Variants in VPS45 observed in about 807,000 individuals in gnomAD.
The protein encoded by VPS45 is vacuolar protein sorting-associated protein 45.
VPS45 carries 35 observed loss-of-function variants against 75.9 expected under a neutral mutation model. The observed-to-expected ratio is 0.46, with a 90% CI of 0.35 to 0.61. The LOEUF is 0.61. VPS45 is among the 20% of genes least tolerant of loss of function. VPS45 has a pLI of 0.00. For synonymous variants in VPS45, 220 were observed against 238.2 expected (o/e 0.92, Z 0.70); for missense variants, 559 against 685.9 (o/e 0.81, Z 2.07).
intron 13 of VPS45, among the ~76,000 whole-genome samples, chr1:150,099,421 G>C (rs1415893295): frequency 6.6e-6 from 1 of 151,802 alleles, no homozygotes; most frequent in Non-Finnish European, 1.5e-5. Context: ...GCTGAGGTAG[G>C]AGAATTGGCT....
intron 14 of VPS45, among the ~76,000 whole-genome samples, chr1:150,135,981 G>T (rs1659069510): frequency 6.6e-6 from 1 of 151,128 alleles, no homozygotes; most frequent in Non-Finnish European, 1.5e-5. Context: ...GGGTGCAGTG[G>T]TTCATGCCTG....
chr1:150,090,542 A>G (rs587770454), intron 10 of VPS45, among the ~76,000 whole-genome samples: 2 of 152,348 alleles, frequency 1.3e-5, no homozygotes, highest in East Asian at 3.9e-4. Flanking sequence ...CTATAGAAAG[A>G]AAGAAAACAT....
At chr1:150,074,340 G>T (rs1655249966) in intron 3 of VPS45, among the ~76,000 whole-genome samples, 1 of 151,376 alleles carries the variant, frequency 6.6e-6, no homozygotes, top group Non-Finnish European at 1.5e-5. Flanking sequence ...TGTATTAATA[G>T]TTCATTCCTC....
At chr1:150,086,200 G>C (rs1656006445) in intron 10 of VPS45, among the ~76,000 whole-genome samples, 2 of 152,062 alleles carry the variant, frequency 1.3e-5, no homozygotes, top group South Asian at 4.1e-4. Flanking sequence ...GCCTTTGATG[G>C]CTTGGGTTTG....
At chr1:150,075,665 GGT>G (rs1278782194) in intron 3 of VPS45, among the ~76,000 whole-genome samples, 1 of 152,052 alleles carries the variant, frequency 6.6e-6, no homozygotes, top group Non-Finnish European at 1.5e-5. Flanking sequence ...TTGGTTACCT[GGT>G]AGTACAGTTT....
chr1:150,140,244 A>G (rs1571924448), intron 14 of VPS45, among the ~76,000 whole-genome samples: 1 of 152,224 alleles, frequency 6.6e-6, no homozygotes, highest in African/African-American at 2.4e-5. Flanking sequence ...ACCATCTCCA[A>G]TACTCCTTTT....
intron 13 of VPS45, among the ~76,000 whole-genome samples, chr1:150,108,284 A>C (rs1388419960): frequency 3.3e-5 from 5 of 152,206 alleles, no homozygotes; most frequent in Admixed American, 3.3e-4. Flanking sequence ...ATTTACAACC[A>C]AAAAATGGTG....
chr1:150,092,837 CTTT>C (rs11451750), intron 12 of VPS45, among the ~76,000 whole-genome samples: 64 of 94,428 alleles, frequency 6.8e-4, no homozygotes, highest in Middle Eastern at 0.011. Context: ...GCTAGCCTTT[CTTT>C]TTTTTTTTTT....
chr1:150,091,016 G>A (rs891635954), intron 10 of VPS45, among the ~76,000 whole-genome samples: 2 of 152,130 alleles, frequency 1.3e-5, no homozygotes, highest in East Asian at 3.9e-4. Context: ...TCATAAGAAA[G>A]CCTATCCATT....
chr1:150,120,055 C>T (rs1553809268), intron 14 of VPS45, among the ~76,000 whole-genome samples: 1 of 152,178 alleles, frequency 6.6e-6, no homozygotes, highest in East Asian at 1.9e-4. Flanking sequence ...TTGCGATGAG[C>T]TGAGATCGCG....
chr1:150,132,321 A>G (rs904848427), intron 14 of VPS45, among the ~76,000 whole-genome samples: 8 of 152,202 alleles, frequency 5.3e-5, no homozygotes, highest in African/African-American at 1.7e-4. Context: ...TTAAAAATGT[A>G]AGGAAAAACT....
chr1:150,099,567 A>G (rs1298677369), intron 13 of VPS45, among the ~76,000 whole-genome samples: 2 of 151,666 alleles, frequency 1.3e-5, no homozygotes, highest in African/African-American at 4.8e-5. Flanking sequence ...TCAAAATAAT[A>G]AGAGCCATCT....
chr1:150,106,212 CAA>C (rs1657315799), intron 13 of VPS45, among the ~76,000 whole-genome samples: 1 of 152,036 alleles, frequency 6.6e-6, no homozygotes, highest in Non-Finnish European at 1.5e-5. Context: ...GAATTTATGA[CAA>C]AGATCCCAAA....
chr1:150,123,178 T>C (rs1391290651), intron 14 of VPS45, among the ~76,000 whole-genome samples: 1 of 152,206 alleles, frequency 6.6e-6, no homozygotes, highest in Non-Finnish European at 1.5e-5. Context: ...GACTCCTCCA[T>C]GTGTAACATA....
intron 14 of VPS45, among the ~76,000 whole-genome samples, chr1:150,118,989 T>A (rs1313088961): frequency 6.6e-6 from 1 of 152,220 alleles, no homozygotes; most frequent in Admixed American, 6.5e-5. Flanking sequence ...TTGCAACACA[T>A]AAATGATTCA....
At chr1:150,104,553 G>A (rs1657215204) in intron 13 of VPS45, among the ~76,000 whole-genome samples, 1 of 152,060 alleles carries the variant, frequency 6.6e-6, no homozygotes, top group African/African-American at 2.4e-5. Flanking sequence ...TGGGTCAAAT[G>A]GTAAGTTGTT....
intron 13 of VPS45, among the ~76,000 whole-genome samples, chr1:150,107,772 A>G (rs77349377): frequency 0.021 from 3,262 of 152,256 alleles, 94 homozygotes; most frequent in African/African-American, 0.074. Context: ...ATGGTGGCGC[A>G]CGCCTGTATT....
intron 13 of VPS45, among the ~76,000 whole-genome samples, chr1:150,096,662 G>A (rs1430792420): frequency 1.3e-5 from 2 of 152,170 alleles, no homozygotes; most frequent in African/African-American, 4.8e-5. Context: ...GAGGTCAGGA[G>A]AAAACGGTGC....
chr1:150,105,359 A>G (rs1357522471), intron 13 of VPS45, among the ~76,000 whole-genome samples: 1 of 152,244 alleles, frequency 6.6e-6, no homozygotes, highest in Non-Finnish European at 1.5e-5. Flanking sequence ...AGGATTATAT[A>G]CTTAGAAAAC....
Sources: gnomAD v4.1 joint callset for allele counts (sites outside exome capture counted in the v4.1 genomes callset) on GRCh38, gnomAD v4.1.1 for gene constraint, MANE v1.5 for transcripts, NCBI Gene and HGNC (gene_info 2026-07-23, HGNC 2026-07-21) for gene names.